Variants in RTN4 observed in about 807,000 individuals in gnomAD.
The protein encoded by RTN4 is reticulon-4.
RTN4 carries 32 observed loss-of-function variants against 90.4 expected under a neutral mutation model. That is an observed-to-expected ratio of 0.35 (90% CI 0.27 to 0.48). The LOEUF (loss-of-function observed/expected upper bound fraction) is 0.48. Ranked by LOEUF, RTN4 falls within the 20% of genes least tolerant of loss-of-function variation. RTN4 has a pLI of 0.99. For synonymous variants in RTN4, 629 were observed against 552.5 expected (o/e 1.14, Z -1.94); for missense variants, 1,706 against 1,430.2 (o/e 1.19, Z -3.11).
At chr2:55,002,357 C>T (rs1247240747) in intron 3 of RTN4, among the ~76,000 whole-genome samples, 1 of 152,170 alleles carries the variant, frequency 6.6e-6, no homozygotes, top group Non-Finnish European at 1.5e-5. Flanking sequence ...CAAGGCCCAG[C>T]CAGTGGTCTT....
chr2:55,039,691 A>G (rs917288747), intron 1 of RTN4, among the ~76,000 whole-genome samples: 1 of 152,186 alleles, frequency 6.6e-6, no homozygotes, highest in Non-Finnish European at 1.5e-5. Context: ...AGGCAGGAGA[A>G]TCACTTGAAC....
chr2:55,089,190 G>A (rs6732105), intron 1 of RTN4, among the ~76,000 whole-genome samples: 26,110 of 152,054 alleles, frequency 0.17, 4,442 homozygotes, highest in African/African-American at 0.44. Context: ...GAGCCACCGC[G>A]CCGGGCCAGA....
Position 54,982,599 on chromosome 2 carries a change from A to G in RTN4, c.3276T>C (p.Ser1092=). The change falls in exon 5 of 9, where the codon AGT becomes AGC. Residue 1092 remains serine, a synonymous_variant. Transcript: ENST00000337526. The part of the protein sequence containing the change: ...AISEELVQKY[S]NSALGHVNCT... ...AGTTCACATGACCAAGAGCAGAATTACTGTACTTCTGAACCAACTCCTCAG... is the reference window on the plus strand; with the variant it reads ...AGTTCACATGACCAAGAGCAGAATTGCTGTACTTCTGAACCAACTCCTCAG... The G allele has an allele frequency of 1.2e-6, 2 of 1,613,772 alleles. No individual in the cohort carries two copies. Among genetic ancestry groups the G allele is most frequent in the Non-Finnish European group, 1.7e-6 (2 of 1,179,840 alleles).
At position 54,974,824 on chromosome 2, in the gene RTN4, G is replaced by C. The variant is rs572557920; in HGVS notation, c.3361-60C>G. ...AATTCAAGTAAAGTTTCTTAATTAT[G>C]CTTTCAAAAGCATCCCATCTAAATG... On this transcript the variant is annotated intron_variant, in intron 5 of 8. Transcript: ENST00000337526. 3.5e-5 allele frequency: 50 copies of C among 1,422,370 alleles called. No individual in the cohort carries two copies. The Admixed American group carries it at 3.6e-4, about 10-fold the overall frequency. The allele number at this position is 1,422,370 out of a possible 1,614,324, so 88.1% of individuals were successfully genotyped here.
At chr2:55,041,221 C>G (rs2104940517) in intron 1 of RTN4, among the ~76,000 whole-genome samples, 1 of 151,878 alleles carries the variant, frequency 6.6e-6, no homozygotes, top group Non-Finnish European at 1.5e-5. Flanking sequence ...TTAAAAGTCT[C>G]TAGTTCACCT....
At chr2:55,040,190 CAA>C (rs1682977038) in intron 1 of RTN4, among the ~76,000 whole-genome samples, 1 of 152,102 alleles carries the variant, frequency 6.6e-6, no homozygotes, top group Admixed American at 6.5e-5. Flanking sequence ...AAGCATCTAA[CAA>C]AGTTTTTATC....
chr2:55,116,089 G>GACT (rs1409371829), upstream of RTN4, among the ~76,000 whole-genome samples: 4 of 81,298 alleles, frequency 4.9e-5, no homozygotes, highest in South Asian at 3.7e-4. Flanking sequence ...ATGGGGACTA[G>GACT]TCTTTTTTTT....
At chr2:55,025,048 T>G (rs144381198) in intron 3 of RTN4, 38 bp downstream of exon 3, 253 of 1,546,322 alleles carry the variant, frequency 1.6e-4, no homozygotes, top group Non-Finnish European at 2.2e-4. Context: ...AATCCAAAAG[T>G]GGCATGAAAG....
the RTN4 span, among the ~76,000 whole-genome samples, chr2:55,124,832 A>G: frequency 1.3e-5 from 2 of 152,244 alleles, no homozygotes; most frequent in African/African-American, 4.8e-5. Flanking sequence ...GGCTACAGTA[A>G]CCAAAACAGC....
At chr2:55,066,816 A>G (rs1458925908) in intron 2 of RTN4, among the ~76,000 whole-genome samples, 2 of 152,186 alleles carry the variant, frequency 1.3e-5, no homozygotes, top group African/African-American at 2.4e-5. Context: ...CATTTTTATA[A>G]GTCAAAAATG....
At chr2:55,090,027 C>A (rs1398539921) in intron 1 of RTN4, among the ~76,000 whole-genome samples, 1 of 152,176 alleles carries the variant, frequency 6.6e-6, no homozygotes, top group African/African-American at 2.4e-5. Flanking sequence ...TCATGAAGAA[C>A]ACATGTTTTC....
intron 2 of RTN4, among the ~76,000 whole-genome samples, chr2:55,058,136 A>C (rs2104999167): frequency 6.6e-6 from 1 of 152,322 alleles, no homozygotes; most frequent in African/African-American, 2.4e-5. Context: ...ATGATCTACA[A>C]GGGATAAAGG....
At position 55,050,181 on chromosome 2, in the gene RTN4, CTCCTCCTCTTCT is replaced by C. The variant is rs932885075; in HGVS notation, c.108_119del (p.Glu40_Glu43del). The C allele has an allele frequency of 2.6e-5, 41 of 1,570,416 alleles. No individual in the cohort carries two copies. Among genetic ancestry groups the C allele is most frequent in the Non-Finnish European group, 3.4e-5 (39 of 1,163,942 alleles). On this transcript the variant is annotated inframe_deletion, in exon 1 of 9. Transcript: ENST00000337526. This position sits in a 1 kb window ranked among gnomAD's most constrained non-coding sequence, Gnocchi z 4.6. ...GGTCTTCGTCCTCGTCCTCCTCTTC[CTCCTCCTCTTCT>C]TCCTCCTCGTCCTCGGGCTCCCTCA...
intron 3 of RTN4, among the ~76,000 whole-genome samples, chr2:55,011,338 T>A (rs1445166744): frequency 6.6e-6 from 1 of 152,168 alleles, no homozygotes; most frequent in Non-Finnish European, 1.5e-5. Flanking sequence ...AAAATTTTAC[T>A]GAAAAATATA....
intron 3 of RTN4, among the ~76,000 whole-genome samples, chr2:54,991,844 A>T (rs1679035820): frequency 6.6e-6 from 1 of 152,182 alleles, no homozygotes; most frequent in South Asian, 2.1e-4. Context: ...ACAAATTCAT[A>T]TTCCTACAAT....
the RTN4 span, among the ~76,000 whole-genome samples, chr2:55,121,369 G>A: frequency 7.4e-4 from 113 of 152,300 alleles, no homozygotes; most frequent in African/African-American, 2.7e-3. Flanking sequence ...GAATTGCCCT[G>A]GTAAGAAAAC....
intron 1 of RTN4, among the ~76,000 whole-genome samples, chr2:55,090,098 T>C (rs552164985): frequency 6.6e-6 from 1 of 152,198 alleles, no homozygotes; most frequent in African/African-American, 2.4e-5. Flanking sequence ...TAGATTTGAA[T>C]TGTAAAATAG....
intron 1 of RTN4, among the ~76,000 whole-genome samples, chr2:55,104,095 G>A (rs1667900655): frequency 6.6e-6 from 1 of 152,048 alleles, no homozygotes. Context: ...CTGTTGCCCA[G>A]TCTGGAGTGC....
chr2:55,114,490 G>A (rs1668090136), upstream of RTN4, among the ~76,000 whole-genome samples: 1 of 152,178 alleles, frequency 6.6e-6, no homozygotes, highest in Non-Finnish European at 1.5e-5. Context: ...CTTGAGGTCA[G>A]GAGTTCGAGA....
Sources: gnomAD v4.1 joint callset for allele counts (sites outside exome capture counted in the v4.1 genomes callset) on GRCh38, gnomAD v4.1.1 for gene constraint, Gnocchi (gnomAD v3.1) non-coding constraint, MANE v1.5 for transcripts, NCBI Gene and HGNC (gene_info 2026-07-23, HGNC 2026-07-21) for gene names.